Variants in PUDP observed in about 807,000 individuals in gnomAD.
PUDP encodes pseudouridine-5'-phosphatase.
Under a neutral mutation model 9.4 loss-of-function variants are expected in PUDP, and 8 were observed. The observed-to-expected ratio is 0.85, with a 90% CI of 0.50 to 1.53. PUDP has a LOEUF of 1.53. PUDP is among the 40% of genes most tolerant of loss of function. The pLI is 0.00. For missense variants in PUDP, 188 were observed against 189.7 expected, an observed-to-expected ratio of 0.99 and a Z score of 0.05; for synonymous variants, 99 against 80.7, an observed-to-expected ratio of 1.23 and a Z score of -1.22.
chrX:6,823,859 T>C (rs59580852), intron 3 of PUDP, among the ~76,000 whole-genome samples: 10,027 of 112,317 alleles, frequency 0.089, 577 homozygotes, highest in East Asian at 0.46. Context: ...CCGTGGCACC[T>C]GTAAACTGTC....
At chrX:6,707,169 A>G (rs1924480660) in intron 1 of PUDP, among the ~76,000 whole-genome samples, 1 of 111,498 alleles carries the variant, frequency 9.0e-6, no homozygotes, top group Non-Finnish European at 1.9e-5. Context: ...TCTCCCATGC[A>G]AAGAGGAAGA....
At chrX:7,050,985 C>T (rs1185338352) in intron 3 of PUDP, among the ~76,000 whole-genome samples, 2 of 111,800 alleles carry the variant, frequency 1.8e-5, no homozygotes, top group African/African-American at 3.3e-5. Flanking sequence ...AGCACGAAAA[C>T]GTAGTGTGCG....
chrX:6,929,846 T>C (rs1928161538), intron 3 of PUDP, among the ~76,000 whole-genome samples: 1 of 111,883 alleles, frequency 8.9e-6, no homozygotes, highest in South Asian at 3.8e-4. Flanking sequence ...GTCTAGAAAC[T>C]CTATGACTCT....
intron 3 of PUDP, among the ~76,000 whole-genome samples, chrX:6,833,777 G>A (rs1926542331): frequency 8.9e-6 from 1 of 112,161 alleles, no homozygotes; most frequent in Non-Finnish European, 1.9e-5. Flanking sequence ...TTCCTCATCT[G>A]TACAGCAGGA....
intron 3 of PUDP, among the ~76,000 whole-genome samples, chrX:6,846,157 C>T (rs1926742154): frequency 9.0e-6 from 1 of 110,772 alleles, no homozygotes; most frequent in Admixed American, 9.6e-5. Flanking sequence ...TCAGTTTTCT[C>T]TGGGAGGCCG....
At chrX:6,723,864 T>C (rs1276948645), upstream of PUDP, among the ~76,000 whole-genome samples, 1 of 111,789 alleles carries the variant, frequency 8.9e-6, no homozygotes, top group Non-Finnish European at 1.9e-5. Context: ...AAATTGAAGC[T>C]TCAGTAAATA....
chrX:6,990,329 A>G (rs1378796465), intron 1 of PUDP, among the ~76,000 whole-genome samples: 1 of 111,225 alleles, frequency 9.0e-6, no homozygotes, highest in Non-Finnish European at 1.9e-5. Flanking sequence ...AAATCCCTCC[A>G]TTGAACACAT....
At chrX:6,829,235 T>A (rs769319489) in intron 3 of PUDP, among the ~76,000 whole-genome samples, 6 of 111,356 alleles carry the variant, frequency 5.4e-5, no homozygotes, top group Non-Finnish European at 1.1e-4. Flanking sequence ...TTGTCATTGG[T>A]ATATCAGGTT....
At chrX:6,914,432 G>A (rs926505755) in intron 3 of PUDP, among the ~76,000 whole-genome samples, 2 of 111,559 alleles carry the variant, frequency 1.8e-5, no homozygotes, top group Admixed American at 9.6e-5. Context: ...TCCTTTTCGC[G>A]ACGCAGTCTG....
At chrX:6,962,989 A>G (rs1297551858) in intron 3 of PUDP, among the ~76,000 whole-genome samples, 1 of 112,953 alleles carries the variant, frequency 8.9e-6, no homozygotes, top group East Asian at 2.8e-4. Context: ...GTGTCTTAGC[A>G]CAGGCTAAGT....
At chrX:7,085,071 T>C (rs1465050517) in intron 2 of PUDP, 6 of 111,865 alleles carry the variant, frequency 5.4e-5, no homozygotes, top group Non-Finnish European at 1.1e-4. Context: ...GTATAGCACA[T>C]GGAGGCAGGG....
chrX:6,887,244 TA>T (rs1382006623), intron 3 of PUDP, among the ~76,000 whole-genome samples: 1 of 107,128 alleles, frequency 9.3e-6, no homozygotes, highest in African/African-American at 3.3e-5. Flanking sequence ...ATATCTATTA[TA>T]TATTAATTAT....
At chrX:7,140,731 T>G (rs1602842644) in intron 1 of PUDP, among the ~76,000 whole-genome samples, 2 of 111,953 alleles carry the variant, frequency 1.8e-5, no homozygotes, top group East Asian at 5.6e-4. Context: ...CAGGCATATC[T>G]TATTTTATTG....
chrX:6,817,220 G>A (rs1032608190), intron 3 of PUDP, among the ~76,000 whole-genome samples: 1 of 108,657 alleles, frequency 9.2e-6, no homozygotes, highest in African/African-American at 3.3e-5. Flanking sequence ...GGGAATACAG[G>A]TTCATGCCAC....
At chrX:6,994,100 A>G (rs1198668515) in intron 1 of PUDP, among the ~76,000 whole-genome samples, 1 of 112,463 alleles carries the variant, frequency 8.9e-6, no homozygotes, top group Non-Finnish European at 1.9e-5. Flanking sequence ...GACCAAAGCA[A>G]TGGAAAACAA....
intron 1 of PUDP, among the ~76,000 whole-genome samples, chrX:6,993,070 G>A (rs369926283): frequency 4.9e-4 from 55 of 112,012 alleles, no homozygotes; most frequent in African/African-American, 1.7e-3. Context: ...ACTATCACCA[G>A]CTTCCCTACT....
chrX:6,938,930 C>A (rs945192799), intron 3 of PUDP, among the ~76,000 whole-genome samples: 1 of 109,951 alleles, frequency 9.1e-6, no homozygotes, highest in African/African-American at 3.3e-5. Context: ...TTGGTAATAA[C>A]TTAAAAAAGC....
chrX:6,933,086 A>G (rs1364774647), intron 3 of PUDP, among the ~76,000 whole-genome samples: 4 of 110,536 alleles, frequency 3.6e-5, no homozygotes, highest in African/African-American at 6.6e-5. Flanking sequence ...GCAGACTTAA[A>G]TGTCCCTGTC....
chrX:7,109,106 A>G (rs370050931), intron 1 of PUDP, among the ~76,000 whole-genome samples: 4 of 112,014 alleles, frequency 3.6e-5, no homozygotes, highest in African/African-American at 1.3e-4. Context: ...AAGCTGCAGA[A>G]CAGAAGGAAG....
Sources: allele counts gnomAD v4.1 joint callset (sites outside exome capture counted in the v4.1 genomes callset), GRCh38; gene constraint gnomAD v4.1.1; transcripts MANE v1.5; gene names NCBI Gene and HGNC (gene_info 2026-07-23, HGNC 2026-07-21).